NGF: variants seen among roughly 807,000 people sequenced by gnomAD.
NGF encodes the protein beta-nerve growth factor.
A neutral mutation model predicts 12.8 loss-of-function variants in NGF; 4 were observed. The observed-to-expected ratio is 0.31, with a 90% CI of 0.15 to 0.72. The LOEUF is 0.72. Among genes scored for constraint, NGF ranks in the 30% least tolerant of loss-of-function variants. NGF has a pLI of 0.69. For synonymous variants in NGF, 140 were observed against 130.0 expected, an observed-to-expected ratio of 1.08 and a Z score of -0.52; for missense variants, 283 against 330.8, an observed-to-expected ratio of 0.86 and a Z score of 1.12.
chr1:115,303,459 T>G (rs1322783221), intron 1 of NGF, among the ~76,000 whole-genome samples: 1 of 151,220 alleles, frequency 6.6e-6, no homozygotes, highest in Non-Finnish European at 1.5e-5. Context: ...TCATCACCAC[T>G]ACTTTCTCCA....
At chr1:115,325,308 G>A (rs762696477) in intron 1 of NGF, among the ~76,000 whole-genome samples, 39 of 152,282 alleles carry the variant, frequency 2.6e-4, no homozygotes, top group African/African-American at 8.7e-4. Context: ...GGTCCAGATC[G>A]TATAAGGCAG....
intron 1 of NGF, among the ~76,000 whole-genome samples, chr1:115,333,479 ACT>A (rs770109717): frequency 1.9e-4 from 25 of 132,872 alleles, no homozygotes; most frequent in Middle Eastern, 4.6e-3. Flanking sequence ...TGACTGTCTG[ACT>A]CTGACTAATA....
chr1:115,320,979 A>C (rs1181737175), intron 1 of NGF, among the ~76,000 whole-genome samples: 1 of 152,118 alleles, frequency 6.6e-6, no homozygotes, highest in African/African-American at 2.4e-5. Flanking sequence ...CCACTATGTG[A>C]GACATTTTCT....
chr1:115,321,863 G>A (rs1289046782), intron 1 of NGF, among the ~76,000 whole-genome samples: 5 of 152,142 alleles, frequency 3.3e-5, no homozygotes, highest in African/African-American at 1.2e-4. Context: ...CTTATGGGCA[G>A]GTGTAAGTCT....
intron 1 of NGF, among the ~76,000 whole-genome samples, chr1:115,305,115 A>G (rs4146585): frequency 0.83 from 125,848 of 152,210 alleles, 52,271 homozygotes; most frequent in African/African-American, 0.9. Context: ...AAATATGTTA[A>G]TTAGTCCATT....
At chr1:115,312,836 T>G (rs566472439) in intron 1 of NGF, among the ~76,000 whole-genome samples, 1 of 152,280 alleles carries the variant, frequency 6.6e-6, no homozygotes, top group East Asian at 1.9e-4. Flanking sequence ...TGGTCAAACA[T>G]ATTTGGGAAC....
chr1:115,304,881 T>C (rs1187878484), intron 1 of NGF, among the ~76,000 whole-genome samples: 1 of 152,106 alleles, frequency 6.6e-6, no homozygotes, highest in Non-Finnish European at 1.5e-5. Flanking sequence ...CAGCCACTGG[T>C]TCAGACTGAG....
chr1:115,323,890 T>C (rs1291859025), intron 1 of NGF, among the ~76,000 whole-genome samples: 2 of 152,172 alleles, frequency 1.3e-5, no homozygotes, highest in African/African-American at 4.8e-5. Flanking sequence ...CCCTTTCTCT[T>C]GGAAACAGTG....
chr1:115,309,144 G>C (rs943679013), intron 1 of NGF, among the ~76,000 whole-genome samples: 3 of 152,184 alleles, frequency 2.0e-5, no homozygotes, highest in African/African-American at 7.2e-5. Flanking sequence ...GCCATTCTTT[G>C]CACTCTAATA....
intron 1 of NGF, among the ~76,000 whole-genome samples, chr1:115,309,421 A>T (rs1242455852): frequency 6.6e-6 from 1 of 152,152 alleles, no homozygotes; most frequent in Non-Finnish European, 1.5e-5. Flanking sequence ...ATAAACTATG[A>T]ATAGCTTTTA....
chr1:115,297,942 C>T (rs772099275), intron 1 of NGF, among the ~76,000 whole-genome samples: 2 of 152,202 alleles, frequency 1.3e-5, no homozygotes, highest in Non-Finnish European at 2.9e-5. Context: ...AAAGCCAGGG[C>T]TGGGAGCCCT....
At chr1:115,293,953 C>A (rs1472872322) in intron 1 of NGF, among the ~76,000 whole-genome samples, 3 of 152,224 alleles carry the variant, frequency 2.0e-5, no homozygotes, top group African/African-American at 7.2e-5. Context: ...GTGGCACCTG[C>A]CTCTCACTCT....
intron 1 of NGF, among the ~76,000 whole-genome samples, chr1:115,296,696 C>A (rs558106557): frequency 6.6e-6 from 1 of 152,330 alleles, no homozygotes; most frequent in Admixed American, 6.5e-5. Flanking sequence ...AAGCAGTTTA[C>A]TACTGCAGAG....
chr1:115,326,666 T>C (rs1461951871), intron 1 of NGF, among the ~76,000 whole-genome samples: 1 of 152,158 alleles, frequency 6.6e-6, no homozygotes, highest in African/African-American at 2.4e-5. Flanking sequence ...CTCAAGTTTA[T>C]GTGAGTGCAT....
At chr1:115,290,664 T>C (rs577399204) in intron 2 of NGF, among the ~76,000 whole-genome samples, 1 of 152,182 alleles carries the variant, frequency 6.6e-6, no homozygotes, top group Non-Finnish European at 1.5e-5. Flanking sequence ...AGTGTTGGGA[T>C]TATAGGCGTA....
intron 1 of NGF, among the ~76,000 whole-genome samples, chr1:115,329,317 T>TATAC (rs1330147382): frequency 6.6e-6 from 1 of 152,140 alleles, no homozygotes; most frequent in African/African-American, 2.4e-5. Flanking sequence ...ACACAACAGC[T>TATAC]ATACAAGAGA....
chr1:115,324,796 C>T (rs958994670), intron 1 of NGF, among the ~76,000 whole-genome samples: 11 of 152,248 alleles, frequency 7.2e-5, no homozygotes, highest in Admixed American at 3.3e-4. Flanking sequence ...TGCTAGATCC[C>T]GCTGATCTCT....
At chr1:115,302,044 G>T (rs11466088) in intron 1 of NGF, among the ~76,000 whole-genome samples, 1 of 152,198 alleles carries the variant, frequency 6.6e-6, no homozygotes, top group Non-Finnish European at 1.5e-5. Context: ...ATTTCTATCC[G>T]TGGGGCTGTC....
At chr1:115,305,084 G>A (rs1654162882) in intron 1 of NGF, among the ~76,000 whole-genome samples, 1 of 152,174 alleles carries the variant, frequency 6.6e-6, no homozygotes, top group Non-Finnish European at 1.5e-5. Context: ...GAAATTAAAT[G>A]TAATATAATA....
Sources: gnomAD v4.1 joint callset for allele counts (sites outside exome capture counted in the v4.1 genomes callset) on GRCh38, gnomAD v4.1.1 for gene constraint, MANE v1.5 for transcripts, NCBI Gene and HGNC (gene_info 2026-07-23, HGNC 2026-07-21) for gene names.